The following ZC3H3 variants were observed in gnomAD, a reference collection of about 807,000 sequenced individuals.
The protein encoded by ZC3H3 is zinc finger CCCH-type containing 3, also known as zinc finger CCCH domain-containing protein 3.
In ZC3H3, 36 loss-of-function variants were observed where a neutral mutation model predicts 77.3. The observed-to-expected ratio is 0.47, with a 90% CI of 0.36 to 0.61. The LOEUF is 0.61. ZC3H3 is among the 20% of genes least tolerant of loss of function. The pLI is 0.00. For synonymous variants in ZC3H3, 626 were observed against 555.2 expected, an observed-to-expected ratio of 1.13 and a Z score of -1.79; for missense variants, 1,331 against 1,312.2, an observed-to-expected ratio of 1.01 and a Z score of -0.22.
rs768518961 is a variant in ZC3H3, at chr8:143,438,006, C to T, written c.*50G>A. ...TAGAGTGGTGGACAGAGCCTCTTTC[C>T]TCTCCAAGGATGAGGGTCTGAGGTA... is the stretch of plus-strand genomic sequence containing the variant. On this transcript the variant is annotated 3_prime_UTR_variant, in exon 12 of 12. Transcript: ENST00000262577. 23 of 1,592,436 alleles carry T rather than the reference C, an allele frequency of 1.4e-5. No homozygotes were observed. Among genetic ancestry groups the T allele is most frequent in the East Asian group, 2.3e-5 (1 of 44,102 alleles).
chr8:143,499,991 C>T (rs962493545), intron 4 of ZC3H3, among the ~76,000 whole-genome samples: 1 of 152,112 alleles, frequency 6.6e-6, no homozygotes, highest in Non-Finnish European at 1.5e-5. Flanking sequence ...ACCAGAGCAG[C>T]GGCCGGGCTG....
intron 3 of ZC3H3, among the ~76,000 whole-genome samples, chr8:143,524,148 C>G (rs1231976198): frequency 1.3e-5 from 2 of 152,248 alleles, no homozygotes; most frequent in Non-Finnish European, 2.9e-5. Flanking sequence ...CCCTGCAGTG[C>G]CCACAGCCTG....
At chr8:143,537,893 T>C (rs1466301466) in intron 2 of ZC3H3, 110 bp downstream of exon 2, 2 of 1,151,944 alleles carry the variant, frequency 1.7e-6, no homozygotes, top group South Asian at 1.5e-5. Context: ...TTGCTGGAAA[T>C]GTGAACGCAA....
intron 4 of ZC3H3, among the ~76,000 whole-genome samples, chr8:143,500,799 C>A (rs576591842): frequency 2.1e-4 from 32 of 149,266 alleles, no homozygotes; most frequent in African/African-American, 7.9e-4. Flanking sequence ...CCTCCCCACA[C>A]CGTCACGTCA....
rs552655116 is a variant in ZC3H3, at chr8:143,440,467, G to A, written c.2493-104C>T. ...CTGCTTCCTGCTCCCGTGGCCCTCC[G>A]TGGTCTCAGGGCAGAGCTGGAGGCA... On this transcript the variant is annotated intron_variant, in intron 10 of 11. Coordinates refer to ENST00000262577, the MANE Select transcript of ZC3H3 (RefSeq NM_015117.3). 1.2e-4 allele frequency: 175 copies of A among 1,445,168 alleles called. 3 individuals carry two copies. In the South Asian group the frequency reaches 2.0e-3, roughly 16 times the overall value. 89.5% of individuals were successfully genotyped at this position (1,445,168 alleles called of 1,614,324 possible). A position where few individuals can be genotyped will look rare whatever the true frequency, so the allele number is the denominator to read the frequency against.
At chr8:143,497,990 CG>C (rs547855417) in intron 4 of ZC3H3, among the ~76,000 whole-genome samples, 12 of 152,236 alleles carry the variant, frequency 7.9e-5, no homozygotes, top group Non-Finnish European at 1.8e-4. Context: ...TAAGTCCCCA[CG>C]GGGCCATAGC....
intron 9 of ZC3H3, among the ~76,000 whole-genome samples, chr8:143,442,495 G>T (rs1563831597): frequency 6.6e-6 from 1 of 150,688 alleles, no homozygotes; most frequent in Non-Finnish European, 1.5e-5. Flanking sequence ...CACCAGCACA[G>T]GCATCCCACG....
intron 3 of ZC3H3, among the ~76,000 whole-genome samples, chr8:143,510,869 C>T (rs1015303614): frequency 4.6e-5 from 7 of 152,214 alleles, no homozygotes. Flanking sequence ...GCACACTCCG[C>T]GCACATCAAA....
In ZC3H3 at chr8:143,494,284, A is replaced by T. The variant is rs1161828971; in HGVS notation, c.1715+13462T>A. Among the ~76,000 whole-genome samples, 1 of 152,160 alleles carries T rather than the reference A, an allele frequency of 6.6e-6. No homozygotes were observed. Among genetic ancestry groups the T allele is most frequent in the Admixed American group, 6.5e-5 (1 of 15,280 alleles). On this transcript the variant is annotated intron_variant, in intron 4 of 11. Transcript: ENST00000262577. This position sits in a 1 kb window ranked among gnomAD's most constrained non-coding sequence, Gnocchi z 5.3. ...AACTTCCTGCTTTGATTTCTTTACCAGTTTTCTCAAATGACAGAGTATCTC... is the reference window on the plus strand; with the variant it reads ...AACTTCCTGCTTTGATTTCTTTACCTGTTTTCTCAAATGACAGAGTATCTC...
chr8:143,539,283 G>A lies in ZC3H3; in HGVS notation c.84C>T (p.Ala28=). Residue 28 remains alanine (A), a synonymous_variant, in exon 2 of 12, where the codon GCC becomes GCT. Transcript: ENST00000262577. The part of the protein sequence containing the change: ...IDDYKTLHGN[A]PAPGTPAASG... ...AAGCTGCTGGGGTACCAGGGGCCGG[G>A]GCATTGCCGTGGAGGGTTTTGTAGT... The A allele has an allele frequency of 6.2e-6, 10 of 1,612,414 alleles. No individual in the cohort carries two copies. The highest frequency in any genetic ancestry group is 8.5e-6 in the Non-Finnish European group (10 of 1,179,862).
In ZC3H3 at chr8:143,446,142, T is replaced by C. The variant is rs117996884; in HGVS notation, c.2308-5022A>G. On this transcript the variant is annotated intron_variant, in intron 9 of 11. Coordinates refer to ENST00000262577, the MANE Select transcript of ZC3H3 (RefSeq NM_015117.3). ...GCCAGGCGCTGTGGCAAAATGAAACTGGACCTCACCGCACACACCACACAA... is the reference window on the plus strand; with the variant it reads ...GCCAGGCGCTGTGGCAAAATGAAACCGGACCTCACCGCACACACCACACAA... Among the ~76,000 whole-genome samples the C allele has an allele frequency of 3.9e-5, 6 of 152,236 alleles. No individual in the cohort carries two copies. The East Asian group carries it at 7.7e-4, about 20-fold the overall frequency.
chr8:143,447,945 A>G (rs1030246114), intron 9 of ZC3H3, among the ~76,000 whole-genome samples: 1 of 152,150 alleles, frequency 6.6e-6, no homozygotes, highest in Non-Finnish European at 1.5e-5. Flanking sequence ...TCTGGACAAC[A>G]TGGGGAAACC....
chr8:143,438,410 G>A (rs1206090777), intron 11 of ZC3H3, among the ~76,000 whole-genome samples: 1 of 152,216 alleles, frequency 6.6e-6, no homozygotes, highest in Non-Finnish European at 1.5e-5. Context: ...CGGCCACAAG[G>A]TCTGCAGGGT....
rs376589488 is a variant in ZC3H3, at chr8:143,538,403, G to C, written c.964C>G (p.Arg322Gly). 6.2e-7 allele frequency: 1 copy of C among 1,613,136 alleles called. No individual in the cohort carries two copies. The highest frequency in any genetic ancestry group is 8.5e-7 in the Non-Finnish European group (1 of 1,180,046). ...KWVAASSKSP[R>G]VARRALSPRV... ...GGACTGAGGGCCCTCCGAGCAACCC[G>C]GGGACTCTTCGAGGAGGCAGCCACC... Residue 322 changes from arginine (R) to glycine (G), a missense_variant, in exon 2 of 12, where the codon CGG becomes GGG. Transcript: ENST00000262577.
At chr8:143,461,325 G>C (rs1399765737) in intron 9 of ZC3H3, among the ~76,000 whole-genome samples, 1 of 152,192 alleles carries the variant, frequency 6.6e-6, no homozygotes, top group South Asian at 2.1e-4. Flanking sequence ...ACGCCCACCA[G>C]AACGGGTGTG....
rs112634923 is a variant in ZC3H3, at chr8:143,484,619, G to C, written c.1716-9034C>G. The stretch of plus-strand genomic sequence containing the variant: ...GGCCCCGGAGTGCCGAGTTCAGCTC[G>C]TCCGGCAGAGGTGCCAGGCGGCCAG... On this transcript the variant is annotated intron_variant, in intron 4 of 11. Transcript: ENST00000262577. The C allele has an allele frequency of 1.9e-4, 32 of 165,082 alleles. No individual in the cohort carries two copies. In the East Asian group the frequency reaches 4.8e-3, roughly 25 times the overall value. 10.2% of individuals were successfully genotyped at this position (165,082 alleles called of 1,614,324 possible).
intron 5 of ZC3H3, among the ~76,000 whole-genome samples, chr8:143,474,517 C>T (rs1820670945): frequency 6.6e-6 from 1 of 152,204 alleles, no homozygotes; most frequent in Non-Finnish European, 1.5e-5. Flanking sequence ...GAGATGGATG[C>T]TAGGAACACA....
chr8:143,519,564 C>G (rs562911771), intron 3 of ZC3H3, among the ~76,000 whole-genome samples: 1 of 152,202 alleles, frequency 6.6e-6, no homozygotes, highest in Non-Finnish European at 1.5e-5. Context: ...AAGCCCCAAG[C>G]GGCAGGCAGG....
chr8:143,464,465 T>C (rs1244525670), intron 9 of ZC3H3, among the ~76,000 whole-genome samples: 3 of 151,964 alleles, frequency 2.0e-5, no homozygotes, highest in Non-Finnish European at 4.4e-5. Context: ...TGACTCCTCC[T>C]GGGAAGTGGG....
Sources: allele counts gnomAD v4.1 joint callset (sites outside exome capture counted in the v4.1 genomes callset), GRCh38; gene constraint gnomAD v4.1.1; non-coding constraint Gnocchi (gnomAD v3.1); transcripts MANE v1.5; gene names NCBI Gene and HGNC (gene_info 2026-07-23, HGNC 2026-07-21).